LRRC4C: variants seen among roughly 807,000 people sequenced by gnomAD.
LRRC4C encodes leucine rich repeat containing 4C.
A neutral mutation model predicts 33.6 loss-of-function variants in LRRC4C; 5 were observed. The ratio of observed to expected loss-of-function variants is 0.15; its 90% CI spans 0.08 to 0.31. LRRC4C has a LOEUF of 0.31. Among genes scored for constraint, LRRC4C ranks in the 10% least tolerant of loss-of-function variants. The pLI, the probability that LRRC4C is intolerant of heterozygous loss-of-function variation, is 1.00. For missense variants in LRRC4C, 560 were observed against 796.7 expected (o/e 0.70, Z 3.58); for synonymous variants, 329 against 302.0 (o/e 1.09, Z -0.93).
At chr11:41,010,818 A>G (rs1439521163) in intron 1 of LRRC4C, among the ~76,000 whole-genome samples, 2 of 151,066 alleles carry the variant, frequency 1.3e-5, no homozygotes, top group Admixed American at 6.6e-5. Flanking sequence ...GCAGGAATCC[A>G]GTGAACATAT....
At position 41,118,402 on chromosome 11, in the gene LRRC4C, A is replaced by T. The variant is rs78977048; in HGVS notation, c.-495-184679T>A. Among the ~76,000 whole-genome samples the T allele has an allele frequency of 9.1e-4, 138 of 152,314 alleles. 2 individuals carry two copies. The East Asian group carries it at 0.024, about 27-fold the overall frequency. The stretch of plus-strand genomic sequence containing the variant: ...CCTCAGCCTGAAGTTGAAAGCAGGA[A>T]GGTGGGAGCTAGAATCAAAGACAGC... On this transcript the variant is annotated intron_variant, in intron 1 of 6. Coordinates refer to ENST00000528697, the MANE Select transcript of LRRC4C (RefSeq NM_001258419.2).
intron 1 of LRRC4C, among the ~76,000 whole-genome samples, chr11:41,186,982 T>A (rs528758312): frequency 2.1e-4 from 32 of 152,320 alleles, no homozygotes; most frequent in Non-Finnish European, 3.8e-4. Flanking sequence ...TTTTTAATTA[T>A]ATACACCTGG....
intron 5 of LRRC4C, among the ~76,000 whole-genome samples, chr11:40,154,287 C>CAAAAAAAA (rs60017606): frequency 1.7e-4 from 19 of 114,180 alleles, no homozygotes; most frequent in African/African-American, 4.2e-4. Flanking sequence ...AGCTAAAAAG[C>CAAAAAAAA]AAAAAAAAAA....
chr11:40,377,201 TTAG>T (rs745945742), intron 3 of LRRC4C, among the ~76,000 whole-genome samples: 7 of 152,292 alleles, frequency 4.6e-5, no homozygotes, highest in Non-Finnish European at 7.4e-5. Context: ...TTGAAAATTC[TTAG>T]TAGAGTCTCA....
At chr11:40,213,220 A>G (rs995943349) in intron 5 of LRRC4C, among the ~76,000 whole-genome samples, 3 of 152,136 alleles carry the variant, frequency 2.0e-5, no homozygotes, top group African/African-American at 4.8e-5. Flanking sequence ...AATGTCCACA[A>G]TCTTACCAGT....
chr11:40,170,188 C>T (rs1026625953), intron 5 of LRRC4C, among the ~76,000 whole-genome samples: 1 of 152,036 alleles, frequency 6.6e-6, no homozygotes, highest in African/African-American at 2.4e-5. Flanking sequence ...TTTCTATAAC[C>T]CAATACACAC....
At chr11:41,450,363 A>T (rs959312338) in intron 1 of LRRC4C, among the ~76,000 whole-genome samples, 1 of 152,184 alleles carries the variant, frequency 6.6e-6, no homozygotes, top group Non-Finnish European at 1.5e-5. Context: ...ATTTAAAAAA[A>T]TGTTATAGCA....
intron 1 of LRRC4C, among the ~76,000 whole-genome samples, chr11:41,435,916 C>T (rs1039588215): frequency 9.9e-5 from 15 of 152,140 alleles, no homozygotes; most frequent in Non-Finnish European, 2.9e-5. Flanking sequence ...ATAGCCTAAA[C>T]ATTTCCCGGC....
intron 1 of LRRC4C, among the ~76,000 whole-genome samples, chr11:41,289,244 C>T (rs1447120): frequency 0.41 from 61,617 of 151,890 alleles, 13,300 homozygotes; most frequent in Non-Finnish European, 0.49. Context: ...TTCTTATAGA[C>T]GAAGAATAAT....
chr11:41,182,264 G>A (rs1945486135), intron 1 of LRRC4C, among the ~76,000 whole-genome samples: 1 of 152,164 alleles, frequency 6.6e-6, no homozygotes, highest in Non-Finnish European at 1.5e-5. Context: ...GCAATTTCCA[G>A]TTGTGTTCAC....
chr11:40,587,701 G>A (rs1166256217), intron 3 of LRRC4C, among the ~76,000 whole-genome samples: 4 of 151,908 alleles, frequency 2.6e-5, no homozygotes, highest in African/African-American at 9.7e-5. Flanking sequence ...GTTGAATTTT[G>A]TCAAAGGCCT....
At chr11:41,370,156 G>A (rs1482004581) in intron 1 of LRRC4C, among the ~76,000 whole-genome samples, 1 of 152,092 alleles carries the variant, frequency 6.6e-6, no homozygotes, top group African/African-American at 2.4e-5. Context: ...AAGTAAGACT[G>A]TCTGGATAAC....
chr11:40,187,956 G>A (rs59578198), intron 5 of LRRC4C, among the ~76,000 whole-genome samples: 5,498 of 152,226 alleles, frequency 0.036, 192 homozygotes, highest in African/African-American at 0.092. Context: ...GTAAAAGGGG[G>A]TTAGCGGAAG....
chr11:40,119,921 A>G lies in LRRC4C; in HGVS notation c.-42-3587T>C, dbSNP rs144627502. On this transcript the variant is annotated intron_variant, in intron 6 of 6. Transcript: ENST00000528697. ...ACCCCACGTCCACTTACCACTTACC[A>G]GACAACAAGGGACAGCCCCTATGTC... 7.0e-4 allele frequency among the ~76,000 whole-genome samples: 106 copies of G among 152,264 alleles called. 1 individual carries two copies. The highest frequency in any genetic ancestry group is 2.4e-3 in the African/African-American group (99 of 41,558).
At chr11:40,293,146 C>T (rs1489544698) in intron 4 of LRRC4C, 1 of 151,930 alleles carries the variant, frequency 6.6e-6, no homozygotes, top group Non-Finnish European at 1.5e-5. Flanking sequence ...TATCCTGTCT[C>T]CTTCCCTCCA....
intron 1 of LRRC4C, among the ~76,000 whole-genome samples, chr11:41,262,288 T>C (rs1949007655): frequency 2.0e-5 from 3 of 151,946 alleles, no homozygotes; most frequent in African/African-American, 4.8e-5. Context: ...ACTACAAAGT[T>C]GAACAGTTGC....
At chr11:41,273,318 A>G (rs1949377652) in intron 1 of LRRC4C, among the ~76,000 whole-genome samples, 1 of 152,182 alleles carries the variant, frequency 6.6e-6, no homozygotes, top group African/African-American at 2.4e-5. Context: ...CAGACCATTC[A>G]CAATAGTCAA....
At chr11:40,575,263 T>C (rs1410052117) in intron 3 of LRRC4C, among the ~76,000 whole-genome samples, 2 of 152,184 alleles carry the variant, frequency 1.3e-5, no homozygotes, top group Non-Finnish European at 2.9e-5. Flanking sequence ...CAGCCATATG[T>C]AGTTTTGCTG....
intron 2 of LRRC4C, among the ~76,000 whole-genome samples, chr11:40,750,030 G>T (rs1313375349): frequency 3.9e-5 from 6 of 152,092 alleles, no homozygotes; most frequent in Admixed American, 1.3e-4. Flanking sequence ...TGACCAGCCT[G>T]GCCAACATGG....
Sources: gnomAD v4.1 joint callset for allele counts (sites outside exome capture counted in the v4.1 genomes callset) on GRCh38, gnomAD v4.1.1 for gene constraint, MANE v1.5 for transcripts, NCBI Gene and HGNC (gene_info 2026-07-23, HGNC 2026-07-21) for gene names.